ELOVL2: variants seen among roughly 807,000 people sequenced by gnomAD.
ELOVL2 encodes the protein very long chain fatty acid elongase 2.
In ELOVL2, 38 loss-of-function variants were observed where a neutral mutation model predicts 37.7. That is an observed-to-expected ratio of 1.01 (90% CI 0.78 to 1.32). The LOEUF (loss-of-function observed/expected upper bound fraction) is 1.32, where lower values mean the gene tolerates loss of function less well. ELOVL2 is among the 40% of genes most tolerant of loss of function. ELOVL2 has a pLI of 0.00. For missense variants in ELOVL2, 352 were observed against 363.6 expected, an observed-to-expected ratio of 0.97 and a Z score of 0.26; for synonymous variants, 115 against 122.3, an observed-to-expected ratio of 0.94 and a Z score of 0.40.
chr6:10,983,909 G>A lies in ELOVL2; in HGVS notation c.766-3C>T, dbSNP rs772540713. 21 of 1,606,400 alleles carry A rather than the reference G, an allele frequency of 1.3e-5. No homozygotes were observed. The highest frequency in any genetic ancestry group is 1.8e-5 in the Non-Finnish European group (21 of 1,176,938). On this transcript the variant is annotated splice_region_variant and splice_polypyrimidine_tract_variant and intron_variant, in intron 7 of 7. Transcript: ENST00000354666. ...TTCATTGGCTTTTTTCGGTATGTCT[G>A]TTGGATGTGTATATTTTGAAGAGAA... is the stretch of plus-strand genomic sequence containing the variant.
intron 1 of ELOVL2, among the ~76,000 whole-genome samples, chr6:11,011,358 T>A (rs1294040815): frequency 6.8e-6 from 1 of 147,210 alleles, no homozygotes; most frequent in Non-Finnish European, 1.5e-5. Context: ...AGAGTGAGAC[T>A]CTGTCTCAAA....
At chr6:10,995,302 G>A (rs1782245825) in intron 4 of ELOVL2, 124 bp from the exon 5 acceptor site, 2 of 711,352 alleles carry the variant, frequency 2.8e-6, no homozygotes, top group African/African-American at 3.6e-5. Context: ...TGCTGAAAAG[G>A]CAGCTCACCT....
rs765612044 is a variant in ELOVL2, at chr6:10,995,041, C to T, written c.471G>A (p.Trp157Ter). Residue 157 changes from tryptophan (W) to a stop codon, truncating the protein, a stop_gained, in exon 5 of 8, where the codon TGG becomes TGA. Transcript: ENST00000354666. LOFTEE classifies it high-confidence loss of function. ...VYHHASMFNI[W>*]WCVLNWIPCG... Reference sequence around the variant, plus strand: ...AAGGTATCCAGTTCAAGACACACCACCAGATGTTAAACATAGAAGCATGAT... The same window carrying T: ...AAGGTATCCAGTTCAAGACACACCATCAGATGTTAAACATAGAAGCATGAT... 6.2e-7 allele frequency: 1 copy of T among 1,611,844 alleles called. No homozygotes were observed. Among genetic ancestry groups the T allele is most frequent in the Non-Finnish European group, 8.5e-7 (1 of 1,179,196 alleles).
At position 11,025,758 on chromosome 6, in the gene ELOVL2, AGTT is replaced by A. The variant is rs560929865; in HGVS notation, c.4-14952_4-14950del. On this transcript the variant is annotated intron_variant, in intron 1 of 7. Transcript: ENST00000354666. Reference sequence around the variant, plus strand: ...ATTTCTATAAAATAAAACGTACAGTAGTTGTTATTTTCATGGTTTTATGACTTT... The same window carrying A: ...ATTTCTATAAAATAAAACGTACAGTAGTTATTTTCATGGTTTTATGACTTT... Among the ~76,000 whole-genome samples the A allele has an allele frequency of 5.9e-5, 9 of 152,312 alleles. No homozygotes were observed. In the East Asian group the frequency reaches 1.7e-3, roughly 29 times the overall value.
At position 10,990,419 on chromosome 6, in the gene ELOVL2, T is replaced by A. The variant is rs1782133573; in HGVS notation, c.529A>T (p.Ser177Cys). Residue 177 changes from serine (S) to cysteine (C), a missense_variant, in exon 6 of 8, where the codon AGT (serine) becomes TGT (cysteine). Ser to Cys is a moderately radical substitution (Grantham distance 112). Coordinates refer to ENST00000354666, the MANE Select transcript of ELOVL2 (RefSeq NM_017770.4). The part of the protein sequence containing the change: ...GQSFFGPTLN[S>C]FIHILMYSYY... Reference sequence around the variant, plus strand: ...GAGTACATAAGAATGTGGATAAAACTGTTCAGTGTTGGTCCAAAGAAACCT... The same window carrying A: ...GAGTACATAAGAATGTGGATAAAACAGTTCAGTGTTGGTCCAAAGAAACCT... 1.2e-6 allele frequency: 2 copies of A among 1,605,144 alleles called. No individual in the cohort carries two copies. Among genetic ancestry groups the A allele is most frequent in the Non-Finnish European group, 8.5e-7 (1 of 1,177,198 alleles).
chr6:11,030,277 G>C (rs951980210), intron 1 of ELOVL2, among the ~76,000 whole-genome samples: 8 of 152,228 alleles, frequency 5.3e-5, no homozygotes, highest in African/African-American at 1.9e-4. Flanking sequence ...TAGGGTCTAA[G>C]AAAACAATAG....
chr6:10,990,726 C>CTATCAACT (rs1782145326), intron 5 of ELOVL2, among the ~76,000 whole-genome samples: 1 of 151,478 alleles, frequency 6.6e-6, no homozygotes, highest in Admixed American at 6.6e-5. Flanking sequence ...TCTCTTTAAC[C>CTATCAACT]GTCACTACTA....
intron 1 of ELOVL2, among the ~76,000 whole-genome samples, chr6:11,020,009 G>T (rs1362818237): frequency 6.6e-6 from 1 of 152,136 alleles, no homozygotes; most frequent in Non-Finnish European, 1.5e-5. Flanking sequence ...CTCCCAAAGT[G>T]CTGGGATTAC....
At chr6:11,013,638 A>C (rs1782621600) in intron 1 of ELOVL2, among the ~76,000 whole-genome samples, 1 of 152,232 alleles carries the variant, frequency 6.6e-6, no homozygotes, top group African/African-American at 2.4e-5. Flanking sequence ...TGGGAAAGTG[A>C]GACATAGAAA....
intron 4 of ELOVL2, among the ~76,000 whole-genome samples, chr6:10,998,894 T>C (rs1262076340): frequency 6.6e-6 from 1 of 152,224 alleles, no homozygotes; most frequent in Non-Finnish European, 1.5e-5. Context: ...TTAATTCTGA[T>C]ATTTCCAATT....
chr6:10,992,790 A>AAAAAAC (rs1554110940), intron 5 of ELOVL2, among the ~76,000 whole-genome samples: 1 of 123,734 alleles, frequency 8.1e-6, no homozygotes, highest in African/African-American at 3.5e-5. Flanking sequence ...CCATCTCAAA[A>AAAAAAC]AAAACAAAAC....
At chr6:10,992,800 C>CAA (rs1554110938) in intron 5 of ELOVL2, among the ~76,000 whole-genome samples, 10 of 111,084 alleles carry the variant, frequency 9.0e-5, no homozygotes, top group Admixed American at 2.0e-4. Context: ...AAAAACAAAA[C>CAA]AAAAAAAAAC....
chr6:11,042,783 A>G (rs1783117897), intron 1 of ELOVL2, among the ~76,000 whole-genome samples: 1 of 152,068 alleles, frequency 6.6e-6, no homozygotes, highest in Non-Finnish European at 1.5e-5. Context: ...TGTCAACTGC[A>G]TAATCTTTGC....
At position 11,005,674 on chromosome 6, in the gene ELOVL2, C is replaced by A. The variant is rs957185525; in HGVS notation, c.68-115G>T. ...CAGCACAACAGGGAACAACTCCATACAACATTAGGTAGGCTGGCCTGGGTT... is the reference window on the plus strand; with the variant it reads ...CAGCACAACAGGGAACAACTCCATAAAACATTAGGTAGGCTGGCCTGGGTT... On this transcript the variant is annotated intron_variant, in intron 2 of 7. Coordinates refer to ENST00000354666, the MANE Select transcript of ELOVL2 (RefSeq NM_017770.4). The A allele has an allele frequency of 1.8e-5, 15 of 845,160 alleles. No individual in the cohort carries two copies. The African/African-American group carries it at 2.6e-4, about 15-fold the overall frequency. 52.4% of individuals were successfully genotyped at this position (845,160 alleles called of 1,614,324 possible).
intron 1 of ELOVL2, among the ~76,000 whole-genome samples, chr6:11,038,782 A>G (rs941881327): frequency 3.3e-5 from 5 of 152,214 alleles, no homozygotes; most frequent in Non-Finnish European, 7.3e-5. Context: ...ACACAGGCAA[A>G]TGTGTATTGA....
At chr6:11,004,503 G>A (rs1162712539) in intron 3 of ELOVL2, among the ~76,000 whole-genome samples, 1 of 151,464 alleles carries the variant, frequency 6.6e-6, no homozygotes, top group African/African-American at 2.4e-5. Flanking sequence ...TGTACAGATG[G>A]GGCAATCATC....
intron 5 of ELOVL2, 113 bp from the exon 6 acceptor site, chr6:10,990,555 CATG>C: frequency 3.0e-6 from 3 of 997,962 alleles, no homozygotes; most frequent in Middle Eastern, 3.0e-4. Context: ...GCACATATGA[CATG>C]ATCATATAAC....
intron 3 of ELOVL2, among the ~76,000 whole-genome samples, chr6:11,002,485 GCCTGCTC>G (rs1782404440): frequency 6.6e-6 from 1 of 152,170 alleles, no homozygotes; most frequent in African/African-American, 2.4e-5. Context: ...AAGACCTTTT[GCCTGCTC>G]TGAAAGAGGT....
Position 11,015,200 on chromosome 6 carries a change from CAGA to C in ELOVL2, c.4-4394_4-4392del, listed in dbSNP as rs201762788. On this transcript the variant is annotated intron_variant, in intron 1 of 7. Coordinates refer to ENST00000354666, the MANE Select transcript of ELOVL2 (RefSeq NM_017770.4). ...GAGATCAGTGGTTGGCTGGGGACTG[CAGA>C]AGAAGAGACCAGAATAGCCTTCAAA... 7.2e-3 allele frequency among the ~76,000 whole-genome samples: 1,093 copies of C among 152,166 alleles called. 16 individuals are homozygous for C. The highest frequency in any genetic ancestry group is 0.025 in the African/African-American group (1,020 of 41,496).
Sources: allele counts gnomAD v4.1 joint callset (sites outside exome capture counted in the v4.1 genomes callset), GRCh38; gene constraint gnomAD v4.1.1; transcripts MANE v1.5; gene names NCBI Gene and HGNC (gene_info 2026-07-23, HGNC 2026-07-21).